Variants in SYNJ2BP observed in about 807,000 individuals in gnomAD.
The protein encoded by SYNJ2BP is synaptojanin 2 binding protein.
In SYNJ2BP, 10 loss-of-function variants were observed where a neutral mutation model predicts 16.9. That is an observed-to-expected ratio of 0.59 (90% confidence interval 0.36 to 1.00). The LOEUF is 1.00. SYNJ2BP is among the 50% of genes least tolerant of loss of function. The pLI is 0.01. For missense variants in SYNJ2BP, 162 were observed against 186.7 expected (o/e 0.87, Z 0.77); for synonymous variants, 54 against 68.4 (o/e 0.79, Z 1.04).
intron 2 of SYNJ2BP, among the ~76,000 whole-genome samples, chr14:70,386,538 G>A (rs1358301543): frequency 6.6e-6 from 1 of 152,150 alleles, no homozygotes; most frequent in African/African-American, 2.4e-5. Flanking sequence ...CTTTTTGGGG[G>A]ACTAAGTGGA....
chr14:70,401,645 T>TA (rs1888240404), intron 1 of SYNJ2BP, among the ~76,000 whole-genome samples: 1 of 151,450 alleles, frequency 6.6e-6, no homozygotes, highest in South Asian at 2.1e-4. Flanking sequence ...AAAACTTCAC[T>TA]GGCCTTTTAC....
chr14:70,416,713 C>T (rs1888618350), intron 1 of SYNJ2BP, among the ~76,000 whole-genome samples, 187 bp downstream of exon 1: 1 of 152,138 alleles, frequency 6.6e-6, no homozygotes, highest in African/African-American at 2.4e-5. Flanking sequence ...AGGTGGATTC[C>T]TCAGACCCGT....
At chr14:70,412,517 A>G (rs533865382) in intron 1 of SYNJ2BP, among the ~76,000 whole-genome samples, 407 of 7,426 alleles carry the variant, frequency 0.055, 3 homozygotes, top group Admixed American at 0.072. Flanking sequence ...TACAGTATAT[A>G]TACAGTATAT....
At position 70,394,469 on chromosome 14, in the gene SYNJ2BP, T is replaced by C. The variant is rs550219885; in HGVS notation, c.65-5863A>G. ...AGACTGGGATTCAACTTTTTTTTTTTTTTTTTTAGTGAATGAATGAAGAGC... is the reference window on the plus strand; with the variant it reads ...AGACTGGGATTCAACTTTTTTTTTTCTTTTTTTAGTGAATGAATGAAGAGC... On this transcript the variant is annotated intron_variant, in intron 1 of 3. Transcript: ENST00000256366. Among the ~76,000 whole-genome samples, 214 of 151,742 alleles carry C rather than the reference T, an allele frequency of 1.4e-3. 3 individuals are homozygous for C. Among genetic ancestry groups the C allele is most frequent in the Non-Finnish European group, 3.2e-4 (22 of 67,876 alleles).
chr14:70,408,806 T>C (rs1032883484), intron 1 of SYNJ2BP, among the ~76,000 whole-genome samples: 2 of 152,128 alleles, frequency 1.3e-5, no homozygotes, highest in African/African-American at 2.4e-5. Context: ...GAGTGAGTGA[T>C]AGAGTAAGGA....
intron 2 of SYNJ2BP, among the ~76,000 whole-genome samples, chr14:70,380,057 G>T (rs1300099362): frequency 6.6e-6 from 1 of 152,160 alleles, no homozygotes; most frequent in Non-Finnish European, 1.5e-5. Context: ...CATCTTACAT[G>T]TATTAACTCA....
chr14:70,417,046 A>C lies in SYNJ2BP; in HGVS notation c.-83T>G. On this transcript the variant is annotated 5_prime_UTR_variant, in exon 1 of 4. Coordinates refer to ENST00000256366, the MANE Select transcript of SYNJ2BP (RefSeq NM_018373.3). ...GTGAATCAATCTCGGCGCTGCGCCC[A>C]CAGCACAGCGGTTTCGGTTTCAGCA... 1 of 1,606,390 alleles carries C rather than the reference A, an allele frequency of 6.2e-7. No homozygotes were observed.
intron 2 of SYNJ2BP, among the ~76,000 whole-genome samples, chr14:70,376,265 C>G (rs1244393398): frequency 6.6e-6 from 1 of 152,222 alleles, no homozygotes; most frequent in Non-Finnish European, 1.5e-5. Flanking sequence ...TTGGGCTTTT[C>G]ATAGTGAACA....
intron 1 of SYNJ2BP, among the ~76,000 whole-genome samples, chr14:70,406,916 T>G (rs1888357242): frequency 6.6e-6 from 1 of 152,198 alleles, no homozygotes; most frequent in South Asian, 2.1e-4. Flanking sequence ...CTTTCTCTAT[T>G]GCAATTCCCT....
chr14:70,381,180 C>G (rs866737773), intron 2 of SYNJ2BP, among the ~76,000 whole-genome samples: 32 of 152,200 alleles, frequency 2.1e-4, no homozygotes, highest in African/African-American at 7.5e-4. Flanking sequence ...TCCTGCCCCT[C>G]CATCTGAGTC....
At chr14:70,395,099 G>C (rs956676167) in intron 1 of SYNJ2BP, among the ~76,000 whole-genome samples, 3 of 152,206 alleles carry the variant, frequency 2.0e-5, no homozygotes, top group Non-Finnish European at 2.9e-5. Context: ...GCAATGCTGG[G>C]ATAATGGTTG....
rs572726041 is a variant in SYNJ2BP at position 70,387,691 on chromosome 14, C to A, written c.201+779G>T. On this transcript the variant is annotated intron_variant, in intron 2 of 3. Transcript: ENST00000256366. ...CTAAAAATATAAAAAATTAGCTGGG[C>A]GTAGTGGCAGGGGCCTGTAGTCCCA... Among the ~76,000 whole-genome samples the A allele has an allele frequency of 3.3e-5, 5 of 152,044 alleles. No homozygotes were observed. In the South Asian group the frequency reaches 1.0e-3, roughly 32 times the overall value.
At position 70,368,840 on chromosome 14, in the gene SYNJ2BP, T is replaced by C. The variant is rs965104693; in HGVS notation, c.*4151A>G. The stretch of plus-strand genomic sequence containing the variant: ...CACCAGAATCACTCAATGAACTTTA[T>C]TTTACTGCTGCTTGAGTCCCACCCT... On this transcript the variant is annotated 3_prime_UTR_variant, in exon 4 of 4. Transcript: ENST00000256366. 6.6e-6 allele frequency: 1 copy of C among 152,204 alleles called. No homozygotes were observed. Among genetic ancestry groups the C allele is most frequent in the African/African-American group, 2.4e-5 (1 of 41,452 alleles). 9.4% of individuals were successfully genotyped at this position (152,204 alleles called of 1,614,324 possible).
chr14:70,413,702 T>G (rs925161427), intron 1 of SYNJ2BP, among the ~76,000 whole-genome samples: 3 of 152,204 alleles, frequency 2.0e-5, no homozygotes, highest in African/African-American at 7.2e-5. Context: ...TCAAGCTTCT[T>G]TTGCCTCTTC....
At chr14:70,404,080 T>C (rs2140863094) in intron 1 of SYNJ2BP, among the ~76,000 whole-genome samples, 1 of 152,234 alleles carries the variant, frequency 6.6e-6, no homozygotes, top group East Asian at 1.9e-4. Flanking sequence ...AAGAAATAAC[T>C]TGAGGCCAGG....
chr14:70,380,385 C>T (rs144087152), intron 2 of SYNJ2BP, among the ~76,000 whole-genome samples: 2,929 of 152,026 alleles, frequency 0.019, 32 homozygotes, highest in African/African-American at 0.028. Context: ...GAGTTGAGGC[C>T]AGGCATGGTG....
chr14:70,394,213 T>C (rs1302798437), intron 1 of SYNJ2BP, among the ~76,000 whole-genome samples: 1 of 151,842 alleles, frequency 6.6e-6, no homozygotes, highest in African/African-American at 2.4e-5. Context: ...TACACACAAA[T>C]ATTAACTATT....
At position 70,370,661 on chromosome 14, in the gene SYNJ2BP, C is replaced by T. The variant is rs1056182615; in HGVS notation, c.*2330G>A. The T allele has an allele frequency of 1.3e-5, 2 of 152,102 alleles. No homozygotes were observed. The highest frequency in any genetic ancestry group is 2.9e-5 in the Non-Finnish European group (2 of 68,018). The allele number at this position is 152,102 out of a possible 1,614,324, so 9.4% of individuals were successfully genotyped here. A position where few individuals can be genotyped will look rare whatever the true frequency, so the allele number is the denominator to read the frequency against. ...TAAAAGAAAATGTGATGATTACCTG[C>T]ATATCTTCTTTGTTGCTGCATCGTG... On this transcript the variant is annotated 3_prime_UTR_variant, in exon 4 of 4. Coordinates refer to ENST00000256366, the MANE Select transcript of SYNJ2BP (RefSeq NM_018373.3).
chr14:70,388,772 G>A (rs2140833802), intron 1 of SYNJ2BP, among the ~76,000 whole-genome samples, 166 bp from the exon 2 acceptor site: 1 of 152,188 alleles, frequency 6.6e-6, no homozygotes, highest in Non-Finnish European at 1.5e-5. Context: ...CATGAACAAG[G>A]TCAGCCATAT....
Sources: gnomAD v4.1 joint callset for allele counts (sites outside exome capture counted in the v4.1 genomes callset) on GRCh38, gnomAD v4.1.1 for gene constraint, MANE v1.5 for transcripts, NCBI Gene and HGNC (gene_info 2026-07-23, HGNC 2026-07-21) for gene names.